The following RERE variants were observed in gnomAD, a reference collection of about 807,000 sequenced individuals.
RERE encodes arginine-glutamic acid dipeptide repeats protein.
Under a neutral mutation model 146.1 loss-of-function variants are expected in RERE, and 40 were observed. The ratio of observed to expected loss-of-function variants is 0.27; its 90% CI spans 0.21 to 0.36. The LOEUF (loss-of-function observed/expected upper bound fraction) is 0.36. Ranked by LOEUF, RERE falls within the 10% of genes least tolerant of loss-of-function variation. The pLI is 1.00. For missense variants in RERE, 1,933 were observed against 2,138.7 expected, an observed-to-expected ratio of 0.90 and a Z score of 1.90; for synonymous variants, 1,003 against 866.0, an observed-to-expected ratio of 1.16 and a Z score of -2.78.
intron 1 of RERE, among the ~76,000 whole-genome samples, chr1:8,661,010 A>C (rs1163469367): frequency 1.3e-5 from 2 of 152,234 alleles, no homozygotes; most frequent in Non-Finnish European, 2.9e-5. Context: ...TTATGTGCTC[A>C]GCAGTGGAGA....
intron 1 of RERE, among the ~76,000 whole-genome samples, chr1:8,664,811 T>C (rs1221208450): frequency 4.6e-5 from 7 of 152,196 alleles, no homozygotes; most frequent in African/African-American, 1.7e-4. Context: ...CCTGGACCAC[T>C]TGAATCAGGT....
At chr1:8,585,438 C>T (rs780276763) in intron 4 of RERE, among the ~76,000 whole-genome samples, 2 of 152,142 alleles carry the variant, frequency 1.3e-5, no homozygotes, top group African/African-American at 2.4e-5. Flanking sequence ...AGCAATGAGA[C>T]TCAAATGTTC....
intron 4 of RERE, among the ~76,000 whole-genome samples, chr1:8,560,412 G>GT (rs1342973335): frequency 6.6e-6 from 1 of 152,100 alleles, no homozygotes; most frequent in African/African-American, 2.4e-5. Context: ...ATTTTGTTTT[G>GT]TTTTTTAAGG....
chr1:8,616,264 AATT>A (rs1289932701), intron 3 of RERE, among the ~76,000 whole-genome samples: 1 of 152,236 alleles, frequency 6.6e-6, no homozygotes, highest in Non-Finnish European at 1.5e-5. Context: ...TAGTTCAAGT[AATT>A]ATTAAAACAT....
chr1:8,663,734 T>A (rs1200886031), intron 1 of RERE, among the ~76,000 whole-genome samples: 1 of 152,128 alleles, frequency 6.6e-6, no homozygotes, highest in Non-Finnish European at 1.5e-5. Flanking sequence ...ATGCCCACTA[T>A]TCCTTTTCAA....
At chr1:8,412,838 GC>G (rs1362388239) in intron 12 of RERE, among the ~76,000 whole-genome samples, 4 of 152,160 alleles carry the variant, frequency 2.6e-5, no homozygotes, top group Non-Finnish European at 5.9e-5. Context: ...AAAGTCTAAG[GC>G]CTGGGATATC....
chr1:8,695,574 G>C (rs918648917), intron 1 of RERE, among the ~76,000 whole-genome samples: 6 of 112,746 alleles, frequency 5.3e-5, no homozygotes, highest in Non-Finnish European at 8.4e-5. Flanking sequence ...ACATGGTGAA[G>C]CTCCATTTCT....
intron 4 of RERE, among the ~76,000 whole-genome samples, chr1:8,599,810 A>G (rs892981378): frequency 2.0e-5 from 3 of 152,238 alleles, no homozygotes; most frequent in African/African-American, 7.2e-5. Context: ...ACAACATCAG[A>G]GAATTTAATC....
In RERE at chr1:8,648,764, C is replaced by T. The variant is rs186347029; in HGVS notation, c.325+7209G>A. Among the ~76,000 whole-genome samples the T allele has an allele frequency of 3.9e-5, 6 of 152,194 alleles. No individual in the cohort carries two copies. The East Asian group carries it at 9.6e-4, about 24-fold the overall frequency. On this transcript the variant is annotated intron_variant, in intron 2 of 22. Coordinates refer to ENST00000400908, the MANE Select transcript of RERE (RefSeq NM_001042681.2). ...ATATTTTGCATCACCTAAGATTTCA[C>T]AAACCACAAACTTATATACATAAAT...
Position 8,624,517 on chromosome 1 carries a change from T to C in RERE, c.326-137A>G, listed in dbSNP as rs897748510. The C allele has an allele frequency of 8.4e-6, 5 of 596,144 alleles. No individual in the cohort carries two copies. In the Admixed American group the frequency reaches 9.4e-5, roughly 11 times the overall value. 36.9% of individuals were successfully genotyped at this position (596,144 alleles called of 1,614,324 possible). On this transcript the variant is annotated intron_variant, in intron 2 of 22. Transcript: ENST00000400908. ...TGTAAATTTTTTCCAAAAGATGATATTAAATTGCAAATATCTTTAGGCTAA... is the reference window on the plus strand; with the variant it reads ...TGTAAATTTTTTCCAAAAGATGATACTAAATTGCAAATATCTTTAGGCTAA...
chr1:8,814,707 C>T (rs1258453251), intron 1 of RERE, among the ~76,000 whole-genome samples: 1 of 152,074 alleles, frequency 6.6e-6, no homozygotes, highest in Non-Finnish European at 1.5e-5. Flanking sequence ...ATTAATGATA[C>T]TAAAAACTTT....
intron 1 of RERE, among the ~76,000 whole-genome samples, chr1:8,666,044 C>A (rs1330162843): frequency 1.3e-5 from 2 of 152,136 alleles, no homozygotes; most frequent in African/African-American, 2.4e-5. Context: ...GCAGCTGACT[C>A]CAGAGCCTAT....
At chr1:8,470,807 A>C (rs533530579) in intron 10 of RERE, among the ~76,000 whole-genome samples, 1 of 137,054 alleles carries the variant, frequency 7.3e-6, no homozygotes, top group South Asian at 2.3e-4. Flanking sequence ...ATCTTTAAAG[A>C]AATACCTTTT....
intron 1 of RERE, among the ~76,000 whole-genome samples, chr1:8,718,146 C>T (rs1639797031): frequency 6.6e-6 from 1 of 152,182 alleles, no homozygotes; most frequent in South Asian, 2.1e-4. Flanking sequence ...TTTACTAAAG[C>T]AGAATGTGAG....
intron 12 of RERE, among the ~76,000 whole-genome samples, chr1:8,410,554 T>C (rs1357992142): frequency 6.6e-6 from 1 of 152,200 alleles, no homozygotes; most frequent in Non-Finnish European, 1.5e-5. Context: ...AAAACCACAA[T>C]GGCTTCATTT....
chr1:8,713,695 C>T (rs572696453), intron 1 of RERE, among the ~76,000 whole-genome samples: 2 of 152,232 alleles, frequency 1.3e-5, no homozygotes, highest in African/African-American at 4.8e-5. Flanking sequence ...GATTGTACCA[C>T]TGCACTCCAG....
At position 8,360,841 on chromosome 1, in the gene RERE, G is replaced by A. The variant is rs1418344516; in HGVS notation, c.2666C>T (p.Pro889Leu). The A allele has an allele frequency of 6.5e-7, 1 of 1,542,694 alleles. No homozygotes were observed. Among genetic ancestry groups the A allele is most frequent in the Non-Finnish European group, 8.7e-7 (1 of 1,150,084 alleles). The part of the protein sequence containing the change: ...SQGQAPLGTS[P>L]AAAYPHTSLQ... ...GGAGGTGTGAGGGTACGCTGCTGCT[G>A]GGGAGGTCCCCAGAGGGGCCTGGCC... Residue 889 changes from proline to leucine, a missense_variant, in exon 18 of 23, where the codon CCA (proline) becomes CTA (leucine). Physicochemically the swap from Pro to Leu is moderately conservative, Grantham distance 98. Transcript: ENST00000400908.
At chr1:8,510,848 T>C (rs760656537) in intron 7 of RERE, among the ~76,000 whole-genome samples, 5 of 152,198 alleles carry the variant, frequency 3.3e-5, no homozygotes, top group Admixed American at 2.0e-4. Flanking sequence ...AGTTCTCCAG[T>C]GGTTGGATAT....
intron 7 of RERE, among the ~76,000 whole-genome samples, chr1:8,533,393 C>A (rs941917747): frequency 6.6e-6 from 1 of 152,196 alleles, no homozygotes; most frequent in African/African-American, 2.4e-5. Context: ...TTTGTCTCAT[C>A]TGACCACAGT....
Sources: allele counts gnomAD v4.1 joint callset (sites outside exome capture counted in the v4.1 genomes callset), GRCh38; gene constraint gnomAD v4.1.1; transcripts MANE v1.5; gene names NCBI Gene and HGNC (gene_info 2026-07-23, HGNC 2026-07-21).